CLASP2: variants seen among roughly 807,000 people sequenced by gnomAD.
CLASP2 encodes the protein cytoplasmic linker associated protein 2.
Under a neutral mutation model 194.4 loss-of-function variants are expected in CLASP2, and 47 were observed. The ratio of observed to expected loss-of-function variants is 0.24; its 90% confidence interval spans 0.19 to 0.31. CLASP2 has a LOEUF of 0.31. Among genes scored for constraint, CLASP2 ranks in the 10% least tolerant of loss-of-function variants. The pLI is 1.00. For synonymous variants in CLASP2, 619 were observed against 633.5 expected (o/e 0.98, Z 0.34); for missense variants, 1,445 against 1,823.6 (o/e 0.79, Z 3.78).
chr3:33,624,062 A>G (rs747711883), intron 10 of CLASP2, among the ~76,000 whole-genome samples: 1 of 152,144 alleles, frequency 6.6e-6, no homozygotes, highest in Non-Finnish European at 1.5e-5. Context: ...TCAATATTTG[A>G]TTGCCAAATG....
chr3:33,698,744 C>G (rs759183071), intron 1 of CLASP2, among the ~76,000 whole-genome samples: 25 of 152,118 alleles, frequency 1.6e-4, no homozygotes, highest in Non-Finnish European at 2.9e-4. Flanking sequence ...GTAAGTTTAG[C>G]AGAAAAAAGG....
At chr3:33,592,588 C>A (rs2069056957) in intron 20 of CLASP2, 92 bp from the exon 21 acceptor site, 1 of 952,684 alleles carries the variant, frequency 1.0e-6, no homozygotes, top group East Asian at 2.6e-5. Flanking sequence ...TTAGGTACTG[C>A]CAAATTCTGT....
chr3:33,499,886 G>C (rs2046446296), intron 38 of CLASP2, among the ~76,000 whole-genome samples: 1 of 152,056 alleles, frequency 6.6e-6, no homozygotes, highest in African/African-American at 2.4e-5. Flanking sequence ...AGGAATTCAG[G>C]TATTTGGGTT....
At chr3:33,671,589 C>T (rs1488488379) in intron 6 of CLASP2, among the ~76,000 whole-genome samples, 2 of 152,204 alleles carry the variant, frequency 1.3e-5, no homozygotes, top group Admixed American at 6.5e-5. Context: ...AGACAGTGGG[C>T]GCAGGTCAGT....
chr3:33,600,880 T>G (rs933247777), intron 18 of CLASP2, among the ~76,000 whole-genome samples: 5 of 152,168 alleles, frequency 3.3e-5, no homozygotes, highest in South Asian at 2.1e-4. Context: ...TTAAAAATGC[T>G]TCATGGAATT....
intron 24 of CLASP2, among the ~76,000 whole-genome samples, chr3:33,573,969 A>G (rs2064289783): frequency 1.3e-5 from 2 of 152,204 alleles, no homozygotes; most frequent in South Asian, 4.1e-4. Flanking sequence ...AGAGCCCTCT[A>G]TGCTTTTCTC....
intron 10 of CLASP2, among the ~76,000 whole-genome samples, chr3:33,622,541 TA>T (rs2077277536): frequency 6.6e-6 from 1 of 152,206 alleles, no homozygotes; most frequent in Admixed American, 6.5e-5. Context: ...ATATAAATTC[TA>T]AAGTTTTAAG....
chr3:33,689,133 C>A (rs921270430), intron 3 of CLASP2, among the ~76,000 whole-genome samples: 1 of 151,406 alleles, frequency 6.6e-6, no homozygotes, highest in African/African-American at 2.4e-5. Flanking sequence ...TAATATATTT[C>A]TCTCTCCCTA....
At chr3:33,547,649 T>C (rs1211870280) in intron 30 of CLASP2, among the ~76,000 whole-genome samples, 1 of 152,158 alleles carries the variant, frequency 6.6e-6, no homozygotes, top group Non-Finnish European at 1.5e-5. Flanking sequence ...ACTGGTCTCA[T>C]AGAATAAACT....
At chr3:33,578,104 CTT>C (rs533028275) in intron 23 of CLASP2, among the ~76,000 whole-genome samples, 68 of 152,280 alleles carry the variant, frequency 4.5e-4, no homozygotes, top group Admixed American at 7.9e-4. Flanking sequence ...TATCTATACT[CTT>C]TTAATTCCTC....
At chr3:33,565,620 C>T (rs1014946334) in intron 27 of CLASP2, among the ~76,000 whole-genome samples, 1 of 151,474 alleles carries the variant, frequency 6.6e-6, no homozygotes, top group African/African-American at 2.4e-5. Flanking sequence ...CGAGACCAGC[C>T]TGACTAACAT....
chr3:33,584,893 C>G lies in CLASP2; in HGVS notation c.2096G>C (p.Arg699Thr). The G allele has an allele frequency of 6.2e-7, 1 of 1,612,828 alleles. No homozygotes were observed. The highest frequency in any genetic ancestry group is 8.5e-7 in the Non-Finnish European group (1 of 1,179,422). The change falls in exon 22 of 39, where the codon AGA (arginine) becomes ACA (threonine). Residue 699 changes from arginine (R) to threonine (T), a missense_variant. This residue lies in a region of CLASP2 where 732 missense variants were observed against 987.9 expected (regional missense o/e 0.74). Transcript: ENST00000682230. ...GGACAGGGCTGTTGTGGTCAGAACT[C>G]TTCCTGGAGACCCAGACCGGCTACC... ...QPGSRSGSPGRVLTTTALSTV... is the reference protein window; with the variant it reads ...QPGSRSGSPGTVLTTTALSTV...
intron 27 of CLASP2, among the ~76,000 whole-genome samples, chr3:33,563,321 A>C (rs114214692): frequency 8.7e-4 from 132 of 152,130 alleles, no homozygotes; most frequent in African/African-American, 3.1e-3. Context: ...CTCCTTTTGC[A>C]TGTCTTCATC....
chr3:33,509,800 T>C (rs944356983), intron 37 of CLASP2, among the ~76,000 whole-genome samples: 23 of 152,194 alleles, frequency 1.5e-4, no homozygotes, highest in African/African-American at 5.5e-4. Flanking sequence ...TGTTAAAATG[T>C]TTCTATGATG....
At chr3:33,625,945 T>A (rs2077973387) in intron 10 of CLASP2, among the ~76,000 whole-genome samples, 1 of 152,106 alleles carries the variant, frequency 6.6e-6, no homozygotes, top group Admixed American at 6.6e-5. Flanking sequence ...GGGTAGTTTT[T>A]AAGTAAAACC....
At chr3:33,628,480 C>T (rs1477187998) in intron 9 of CLASP2, among the ~76,000 whole-genome samples, 2 of 152,106 alleles carry the variant, frequency 1.3e-5, no homozygotes, top group Non-Finnish European at 2.9e-5. Flanking sequence ...AGCAGGCATA[C>T]AAGCAAAAGA....
At chr3:33,520,182 T>C (rs968528900) in intron 34 of CLASP2, among the ~76,000 whole-genome samples, 11 of 148,226 alleles carry the variant, frequency 7.4e-5, no homozygotes, top group African/African-American at 2.4e-5. Context: ...CCCAGCTAAT[T>C]TTTGTTAGAG....
intron 18 of CLASP2, among the ~76,000 whole-genome samples, chr3:33,599,560 A>G (rs1560235368): frequency 6.6e-6 from 1 of 152,204 alleles, no homozygotes; most frequent in Non-Finnish European, 1.5e-5. Flanking sequence ...ACCTACCAAT[A>G]GACTGAGAGA....
chr3:33,497,106 AGAGG>A lies in CLASP2; in HGVS notation c.*1521_*1524del, dbSNP rs2045891545. The A allele has an allele frequency of 6.5e-6, 1 of 152,752 alleles. No homozygotes were observed. The highest frequency in any genetic ancestry group is 3.4e-3 in the Middle Eastern group (1 of 294). The allele number at this position is 152,752 out of a possible 1,614,324, so 9.5% of individuals were successfully genotyped here. A position where few individuals can be genotyped will look rare whatever the true frequency, so the allele number is the denominator to read the frequency against. ...AGTAGAAAACAAAATTGTTACAGGTAGAGGGAGAGGATATAGAGAAACTTTTCCT... is the reference window on the plus strand; with the variant it reads ...AGTAGAAAACAAAATTGTTACAGGTAGAGAGGATATAGAGAAACTTTTCCT... On this transcript the variant is annotated 3_prime_UTR_variant, in exon 39 of 39. Transcript: ENST00000682230.
Sources: allele counts gnomAD v4.1 joint callset (sites outside exome capture counted in the v4.1 genomes callset), GRCh38; gene constraint gnomAD v4.1.1; regional missense constraint gnomAD v4.1.1; transcripts MANE v1.5; gene names NCBI Gene and HGNC (gene_info 2026-07-23, HGNC 2026-07-21).